Variants in ABCG1 observed in about 807,000 individuals in gnomAD.
ABCG1 encodes the protein ATP-binding cassette sub-family G member 1.
ABCG1 carries 29 observed loss-of-function variants against 69.2 expected under a neutral mutation model. The ratio of observed to expected loss-of-function variants is 0.42; its 90% CI spans 0.31 to 0.57. The LOEUF (loss-of-function observed/expected upper bound fraction) is 0.57. Ranked by LOEUF, ABCG1 falls within the 20% of genes least tolerant of loss-of-function variation. The pLI is 0.15. For synonymous variants in ABCG1, 370 were observed against 374.8 expected, an observed-to-expected ratio of 0.99 and a Z score of 0.15; for missense variants, 718 against 898.1, an observed-to-expected ratio of 0.80 and a Z score of 2.56.
chr21:42,278,451 A>G (rs1474065665), intron 5 of ABCG1, among the ~76,000 whole-genome samples: 1 of 152,222 alleles, frequency 6.6e-6, no homozygotes, highest in Non-Finnish European at 1.5e-5. Flanking sequence ...TCTTTACAGA[A>G]GTAATGAAGT....
At chr21:42,223,370 C>T (rs1216403643) in intron 1 of ABCG1, among the ~76,000 whole-genome samples, 1 of 152,142 alleles carries the variant, frequency 6.6e-6, no homozygotes, top group South Asian at 2.1e-4. Context: ...TTAGATATCC[C>T]TTCTGAGTTA....
At chr21:42,294,439 G>T (rs1386340576) in intron 13 of ABCG1, 103 bp from the exon 14 acceptor site, 6 of 855,448 alleles carry the variant, frequency 7.0e-6, no homozygotes, top group African/African-American at 6.6e-5. Flanking sequence ...TGCCCAGAAG[G>T]TGCCCTGGCC....
At chr21:42,221,509 G>A (rs940477624) in intron 1 of ABCG1, among the ~76,000 whole-genome samples, 3 of 152,276 alleles carry the variant, frequency 2.0e-5, no homozygotes, top group South Asian at 2.1e-4. Flanking sequence ...GGCATACAAG[G>A]GGTGGCAAAT....
upstream of ABCG1, among the ~76,000 whole-genome samples, chr21:42,216,878 GCATGCTAGA>G (rs2067646655): frequency 6.6e-6 from 1 of 152,182 alleles, no homozygotes; most frequent in Non-Finnish European, 1.5e-5. Context: ...TCGGTGCTGG[GCATGCTAGA>G]AAGTGCTTGC....
chr21:42,260,264 C>CTTGTT, intron 2 of ABCG1: 1 of 1,496,258 alleles, frequency 6.7e-7, no homozygotes, highest in Non-Finnish European at 8.9e-7. Flanking sequence ...GACCCAGCTT[C>CTTGTT]CACCACGGAG....
intron 5 of ABCG1, among the ~76,000 whole-genome samples, chr21:42,279,937 G>A (rs533589569): frequency 8.5e-5 from 13 of 152,328 alleles, no homozygotes; most frequent in African/African-American, 2.4e-4. Flanking sequence ...GACACGGCCC[G>A]GATGAGAGCC....
chr21:42,241,756 G>A (rs2068054785), intron 2 of ABCG1, among the ~76,000 whole-genome samples: 1 of 151,892 alleles, frequency 6.6e-6, no homozygotes, highest in Non-Finnish European at 1.5e-5. Flanking sequence ...TGGGGCTGAG[G>A]TGGGAGGATT....
At chr21:42,214,876 C>T (rs1457974919), upstream of ABCG1, among the ~76,000 whole-genome samples, 1 of 152,228 alleles carries the variant, frequency 6.6e-6, no homozygotes, top group South Asian at 2.1e-4. Context: ...TGCCATCAGG[C>T]AGCAGTGGGA....
intron 1 of ABCG1, among the ~76,000 whole-genome samples, chr21:42,201,071 A>G (rs935082390): frequency 6.7e-6 from 1 of 149,054 alleles, no homozygotes; most frequent in African/African-American, 2.5e-5. Context: ...TTTTTTTTTC[A>G]CCTCACTTGC....
Position 42,268,362 on chromosome 21 carries a change from G to GGT in ABCG1, c.287-2682_287-2681dup, listed in dbSNP as rs1555957893. Reference sequence around the variant, plus strand: ...ATTTCCTTACATAAATAGAGGTAGGGGTGTGTGTGTGTGTGTGTGTGTGTG... The same window carrying GGT: ...ATTTCCTTACATAAATAGAGGTAGGGGTGTGTGTGTGTGTGTGTGTGTGTGTG... On this transcript the variant is annotated intron_variant, in intron 2 of 14. Coordinates refer to ENST00000398449, the MANE Select transcript of ABCG1 (RefSeq NM_016818.3). Among the ~76,000 whole-genome samples the GGT allele has an allele frequency of 4.1e-3, 609 of 147,666 alleles. 4 individuals are homozygous for GGT. The highest frequency in any genetic ancestry group is 0.012 in the East Asian group (60 of 4,926).
At position 42,276,693 on chromosome 21, in the gene ABCG1, G is replaced by A. The variant is rs1003721989; in HGVS notation, c.538-202G>A. 5.1e-5 allele frequency: 30 copies of A among 585,798 alleles called. No individual in the cohort carries two copies. The highest frequency in any genetic ancestry group is 1.3e-4 in the African/African-American group (6 of 46,764). 36.3% of individuals were successfully genotyped at this position (585,798 alleles called of 1,614,324 possible). A position where few individuals can be genotyped will look rare whatever the true frequency, so the allele number is the denominator to read the frequency against. Reference sequence around the variant, plus strand: ...TAGCTGCACTGTGGATAGCTGCACCGTGACTAGTGGCACCGTGGCTAGCTG... The same window carrying A: ...TAGCTGCACTGTGGATAGCTGCACCATGACTAGTGGCACCGTGGCTAGCTG... On this transcript the variant is annotated intron_variant, in intron 4 of 14. Coordinates refer to ENST00000398449, the MANE Select transcript of ABCG1 (RefSeq NM_016818.3). This position sits in a 1 kb window ranked among gnomAD's most constrained non-coding sequence, Gnocchi z 5.3.
At chr21:42,269,412 G>A (rs943648338) in intron 2 of ABCG1, among the ~76,000 whole-genome samples, 2 of 152,184 alleles carry the variant, frequency 1.3e-5, no homozygotes, top group African/African-American at 4.8e-5. Context: ...GGGGTTCCCG[G>A]TCCTCCTCCA....
At chr21:42,246,127 T>C (rs1343393037) in intron 2 of ABCG1, among the ~76,000 whole-genome samples, 4 of 152,168 alleles carry the variant, frequency 2.6e-5, no homozygotes, top group Non-Finnish European at 5.9e-5. Context: ...CACACTGACA[T>C]CTGGGGAACT....
chr21:42,272,854 G>A (rs1017026087), intron 3 of ABCG1, among the ~76,000 whole-genome samples: 3 of 152,248 alleles, frequency 2.0e-5, no homozygotes, highest in African/African-American at 7.2e-5. Context: ...TCCCAGGCCT[G>A]AAGTCTGCAG....
At chr21:42,268,738 T>C (rs56069400) in intron 2 of ABCG1, among the ~76,000 whole-genome samples, 359 of 152,176 alleles carry the variant, frequency 2.4e-3, no homozygotes, top group Middle Eastern at 0.014. Flanking sequence ...GCACTCTCTG[T>C]TTGGTGCAAA....
chr21:42,295,377 A>AAAAAAAAAAAAAAAAATG (rs2069187768), intron 14 of ABCG1: 1 of 119,662 alleles, frequency 8.4e-6, no homozygotes, highest in Non-Finnish European at 1.8e-5. Flanking sequence ...AAAAAAAAAA[A>AAAAAAAAAAAAAAAAATG]GGAAAGAAAT....
chr21:42,293,104 TACACACCACACACTAC>T (rs2069111367), intron 13 of ABCG1, among the ~76,000 whole-genome samples: 2 of 45,790 alleles, frequency 4.4e-5, no homozygotes, highest in African/African-American at 8.9e-5. Context: ...CCACACACGG[TACACACCACACACTAC>T]ACACACCACA....
intron 2 of ABCG1, chr21:42,259,474 T>A: frequency 5.8e-6 from 9 of 1,548,622 alleles, no homozygotes; most frequent in Non-Finnish European, 7.8e-6. Context: ...TCAAGCATTG[T>A]CATCATGCCC....
At chr21:42,272,928 G>A (rs751237582) in intron 3 of ABCG1, among the ~76,000 whole-genome samples, 1 of 152,198 alleles carries the variant, frequency 6.6e-6, no homozygotes, top group African/African-American at 2.4e-5. Context: ...AGAAGCCAAC[G>A]TTACAAACCC....
Sources: allele counts gnomAD v4.1 joint callset (sites outside exome capture counted in the v4.1 genomes callset), GRCh38; gene constraint gnomAD v4.1.1; non-coding constraint Gnocchi (gnomAD v3.1); transcripts MANE v1.5; gene names NCBI Gene and HGNC (gene_info 2026-07-23, HGNC 2026-07-21).